The following CLEC16A variants were observed in gnomAD, a reference collection of about 807,000 sequenced individuals.
CLEC16A encodes the protein protein CLEC16A.
In CLEC16A, 51 loss-of-function variants were observed where a neutral mutation model predicts 109.5. The observed-to-expected ratio is 0.47, with a 90% CI of 0.37 to 0.59. The LOEUF (loss-of-function observed/expected upper bound fraction) is 0.59. CLEC16A is among the 20% of genes least tolerant of loss of function. The pLI is 0.00. For missense variants in CLEC16A, 1,339 were observed against 1,394.0 expected, an observed-to-expected ratio of 0.96 and a Z score of 0.63; for synonymous variants, 673 against 564.2, an observed-to-expected ratio of 1.19 and a Z score of -2.73.
intron 23 of CLEC16A, among the ~76,000 whole-genome samples, chr16:11,176,516 T>A (rs1347541540): frequency 6.6e-6 from 1 of 152,142 alleles, no homozygotes; most frequent in Non-Finnish European, 1.5e-5. Flanking sequence ...GCAGAAGGAT[T>A]GCTTGAGCCC....
intron 3 of CLEC16A, among the ~76,000 whole-genome samples, chr16:10,965,511 T>A (rs754961691): frequency 2.6e-4 from 39 of 152,216 alleles, no homozygotes; most frequent in Non-Finnish European, 4.4e-4. Flanking sequence ...ATTGTCCCGT[T>A]CTGTAACCCT....
chr16:11,114,349 G>A (rs533718470), intron 19 of CLEC16A, among the ~76,000 whole-genome samples: 1 of 152,246 alleles, frequency 6.6e-6, no homozygotes, highest in South Asian at 2.1e-4. Flanking sequence ...CACCCCTGTA[G>A]AATTGGAGAT....
intron 19 of CLEC16A, among the ~76,000 whole-genome samples, chr16:11,100,295 T>C (rs1471864213): frequency 6.6e-6 from 1 of 152,170 alleles, no homozygotes; most frequent in Non-Finnish European, 1.5e-5. Context: ...ATCTCCTGTC[T>C]CTCTTTCACC....
At chr16:11,030,281 A>T (rs1437800440) in intron 13 of CLEC16A, among the ~76,000 whole-genome samples, 1 of 152,232 alleles carries the variant, frequency 6.6e-6, no homozygotes, top group Non-Finnish European at 1.5e-5. Context: ...GGAATGGCTG[A>T]ATCATATTTC....
At chr16:11,102,864 T>C (rs1253019480) in intron 19 of CLEC16A, among the ~76,000 whole-genome samples, 1 of 152,232 alleles carries the variant, frequency 6.6e-6, no homozygotes, top group Non-Finnish European at 1.5e-5. Context: ...ATAGGGACAG[T>C]ATTGTTAATA....
At chr16:11,140,418 G>A (rs2053769169) in intron 22 of CLEC16A, among the ~76,000 whole-genome samples, 1 of 152,206 alleles carries the variant, frequency 6.6e-6, no homozygotes, top group Non-Finnish European at 1.5e-5. Context: ...GGGCATTTGG[G>A]GAGAAAAACG....
intron 19 of CLEC16A, among the ~76,000 whole-genome samples, chr16:11,091,125 T>C (rs1364365313): frequency 6.6e-6 from 1 of 152,184 alleles, no homozygotes; most frequent in Admixed American, 6.5e-5. Flanking sequence ...AAGCGCCTAA[T>C]CTCCTTTCTC....
At chr16:11,003,431 T>C (rs1224520101) in intron 11 of CLEC16A, 126 bp downstream of exon 11, 2 of 711,868 alleles carry the variant, frequency 2.8e-6, no homozygotes, top group Non-Finnish European at 2.4e-6. Flanking sequence ...ATTCGATTCC[T>C]ACCTCACACT....
In CLEC16A at chr16:11,178,584, G is replaced by A. The variant is rs200793095; in HGVS notation, c.3056G>A (p.Arg1019His). 90 of 1,610,082 alleles carry A rather than the reference G, an allele frequency of 5.6e-5. No individual in the cohort carries two copies. Among genetic ancestry groups the A allele is most frequent in the Middle Eastern group, 4.9e-4 (3 of 6,082 alleles). ...LVPPVDPHSLRSLTGMPPLST... is the reference protein window; with the variant it reads ...LVPPVDPHSLHSLTGMPPLST... ...CCCCCAGTTGACCCCCACAGCCTCC[G>A]CAGCCTCACCGGCATGCCCCCGCTG... The change falls in exon 24 of 24, where the codon CGC (arginine) becomes CAC (histidine). Residue 1019 changes from arginine to histidine, a missense_variant. Around this residue, in one of 3 missense-constraint regions of CLEC16A, gnomAD observed 1,061 missense variants for 1,006.8 expected, o/e 1.05. Coordinates refer to ENST00000409790, the MANE Select transcript of CLEC16A (RefSeq NM_015226.3). This position sits in a 1 kb window ranked among gnomAD's most constrained non-coding sequence, Gnocchi z 6.5.
In CLEC16A at chr16:11,181,106, G is replaced by A. The variant is rs995736724; in HGVS notation, c.*2416G>A. ...TATAACCAGGGCTCCCAGAAGCTTT[G>A]CTTATGTAAGGAGGTCTGGGAGCCA... On this transcript the variant is annotated 3_prime_UTR_variant, in exon 24 of 24. Coordinates refer to ENST00000409790, the MANE Select transcript of CLEC16A (RefSeq NM_015226.3). The A allele has an allele frequency of 1.3e-5, 2 of 152,222 alleles. No individual in the cohort carries two copies. The highest frequency in any genetic ancestry group is 2.9e-5 in the Non-Finnish European group (2 of 68,054). 9.4% of individuals were successfully genotyped at this position (152,222 alleles called of 1,614,324 possible).
At chr16:10,972,289 C>T (rs185680148) in intron 5 of CLEC16A, among the ~76,000 whole-genome samples, 123 of 152,342 alleles carry the variant, frequency 8.1e-4, no homozygotes, top group Middle Eastern at 3.4e-3. Context: ...GGCCCGTGCT[C>T]CCAGGTCACA....
chr16:10,954,762 C>T lies in CLEC16A; in HGVS notation c.81-3020C>T, dbSNP rs997290490. Among the ~76,000 whole-genome samples the T allele has an allele frequency of 1.3e-5, 2 of 152,234 alleles. No individual in the cohort carries two copies. Among genetic ancestry groups the T allele is most frequent in the African/African-American group, 4.8e-5 (2 of 41,452 alleles). ...CTCAGGAAATACCAGACTTTCTCTACTTCCTGCTCTGGTTTCGCTGAACCT... is the reference window on the plus strand; with the variant it reads ...CTCAGGAAATACCAGACTTTCTCTATTTCCTGCTCTGGTTTCGCTGAACCT... On this transcript the variant is annotated intron_variant, in intron 1 of 23. Coordinates refer to ENST00000409790, the MANE Select transcript of CLEC16A (RefSeq NM_015226.3). The surrounding 1 kb of genome is among the most constrained non-coding windows in gnomAD (Gnocchi z 4.2).
In CLEC16A at chr16:11,003,230, G is replaced by T. The variant is rs572081883; in HGVS notation, c.1228G>T (p.Ala410Ser). Residue 410 changes from alanine (A) to serine (S), a missense_variant, in exon 11 of 24, where the codon GCC (alanine) becomes TCC (serine). By Grantham distance (99) the Ala-to-Ser change is moderately conservative. Transcript: ENST00000409790. The part of the protein sequence containing the change: ...EDEEKGPTED[A>S]QEDAEKAKGT... ...TGAGGAGAAAGGGCCCACCGAGGAT[G>T]CCCAAGAAGACGCCGAGAAGGCTAA... The T allele has an allele frequency of 6.2e-7, 1 of 1,613,384 alleles. No individual in the cohort carries two copies. The highest frequency in any genetic ancestry group is 8.5e-7 in the Non-Finnish European group (1 of 1,179,822).
At chr16:11,162,775 G>A (rs2054770172) in intron 22 of CLEC16A, among the ~76,000 whole-genome samples, 1 of 152,166 alleles carries the variant, frequency 6.6e-6, no homozygotes, top group African/African-American at 2.4e-5. Context: ...CCCAGTTCTT[G>A]GACTTATCAG....
At chr16:11,152,162 A>T (rs576181233) in intron 22 of CLEC16A, among the ~76,000 whole-genome samples, 2 of 152,222 alleles carry the variant, frequency 1.3e-5, no homozygotes, top group Non-Finnish European at 2.9e-5. Context: ...CCTGCATTTC[A>T]GGGGAAAACA....
chr16:11,110,733 C>T (rs1371408950), intron 19 of CLEC16A, among the ~76,000 whole-genome samples: 1 of 152,108 alleles, frequency 6.6e-6, no homozygotes, highest in Non-Finnish European at 1.5e-5. Context: ...TCCCAGATAC[C>T]CTGGGCAGTC....
chr16:11,088,658 G>T (rs1304420013), intron 19 of CLEC16A, among the ~76,000 whole-genome samples: 3 of 152,146 alleles, frequency 2.0e-5, no homozygotes, highest in Non-Finnish European at 4.4e-5. Flanking sequence ...GCTGTGATGT[G>T]CGGCTAGAGG....
chr16:10,993,963 C>A (rs1476690439), intron 10 of CLEC16A, among the ~76,000 whole-genome samples: 1 of 152,188 alleles, frequency 6.6e-6, no homozygotes. Context: ...AGTGACACGC[C>A]AGAGGTCACT....
In CLEC16A at chr16:11,174,672, G is replaced by A. The variant is rs1359885744; in HGVS notation, c.2807-3663G>A. 6.6e-6 allele frequency among the ~76,000 whole-genome samples: 1 copy of A among 152,266 alleles called. No homozygotes were observed. The highest frequency in any genetic ancestry group is 2.4e-5 in the African/African-American group (1 of 41,466). Reference sequence around the variant, plus strand: ...TTTAGGCCATGGGGGTTGGGCGGCAGTTGGCTGGCAAAGTGAGAATTTGTA... The same window carrying A: ...TTTAGGCCATGGGGGTTGGGCGGCAATTGGCTGGCAAAGTGAGAATTTGTA... On this transcript the variant is annotated intron_variant, in intron 23 of 23. Transcript: ENST00000409790. The surrounding 1 kb of genome is among the most constrained non-coding windows in gnomAD (Gnocchi z 4.7).
Sources: gnomAD v4.1 joint callset for allele counts (sites outside exome capture counted in the v4.1 genomes callset) on GRCh38, gnomAD v4.1.1 for gene constraint, gnomAD v4.1.1 regional missense constraint, Gnocchi (gnomAD v3.1) non-coding constraint, MANE v1.5 for transcripts, NCBI Gene and HGNC (gene_info 2026-07-23, HGNC 2026-07-21) for gene names.